Variants in NUBPL observed in about 807,000 individuals in gnomAD.
NUBPL encodes iron-sulfur cluster transfer protein NUBPL.
A neutral mutation model predicts 45.7 loss-of-function variants in NUBPL; 31 were observed. The ratio of observed to expected loss-of-function variants is 0.68; its 90% CI spans 0.51 to 0.92. The LOEUF (loss-of-function observed/expected upper bound fraction) is 0.92, where lower values mean the gene tolerates loss of function less well. Among genes scored for constraint, NUBPL ranks in the 40% least tolerant of loss-of-function variants. NUBPL has a pLI of 0.00. For missense variants in NUBPL, 401 were observed against 398.7 expected, an observed-to-expected ratio of 1.01 and a Z score of -0.05; for synonymous variants, 144 against 140.9, an observed-to-expected ratio of 1.02 and a Z score of -0.15.
At chr14:31,810,456 T>C (rs1287286128) in intron 7 of NUBPL, among the ~76,000 whole-genome samples, 1 of 152,214 alleles carries the variant, frequency 6.6e-6, no homozygotes, top group Non-Finnish European at 1.5e-5. Context: ...TGTTTTTTGT[T>C]TTCCATTTGC....
At position 31,561,461 on chromosome 14, in the gene NUBPL, C is replaced by A. The variant is rs1278353050; in HGVS notation, c.22C>A (p.Leu8Met). 4.2e-6 allele frequency: 6 copies of A among 1,420,242 alleles called. No individual in the cohort carries two copies. Among genetic ancestry groups the A allele is most frequent in the Non-Finnish European group, 5.6e-6 (6 of 1,077,542 alleles). 88.0% of individuals were successfully genotyped at this position (1,420,242 alleles called of 1,614,324 possible). ...CGTCATGGGGATTTGGCAGCGTCTG[C>A]TGCTTTTTGGTGGGGTGTCGCTCCG... MGIWQRL[L>M]LFGGVSLRAG... Residue 8 changes from leucine to methionine, a missense_variant, in exon 1 of 11, where the codon CTG becomes ATG. By Grantham distance (15) the Leu-to-Met change is conservative. Coordinates refer to ENST00000281081, the MANE Select transcript of NUBPL (RefSeq NM_025152.3).
chr14:31,783,078 A>G (rs1483441389), intron 6 of NUBPL, among the ~76,000 whole-genome samples: 1 of 152,178 alleles, frequency 6.6e-6, no homozygotes, highest in Non-Finnish European at 1.5e-5. Context: ...ACATTGAGAA[A>G]GGTTTATTGT....
In NUBPL at chr14:31,580,182, CT is replaced by C. The variant is rs576819844; in HGVS notation, c.291+15135del. On this transcript the variant is annotated intron_variant, in intron 3 of 10. Coordinates refer to ENST00000281081, the MANE Select transcript of NUBPL (RefSeq NM_025152.3). ...CTGAGTACTTTACATGTGCTGTGTG[CT>C]CTTTTTAGTCCTAGAGATGTAGTGG... 1.4e-4 allele frequency among the ~76,000 whole-genome samples: 22 copies of C among 152,262 alleles called. No individual in the cohort carries two copies. The South Asian group carries it at 4.6e-3, about 32-fold the overall frequency.
chr14:31,742,219 C>A (rs1420852663), intron 6 of NUBPL, among the ~76,000 whole-genome samples: 1 of 146,132 alleles, frequency 6.8e-6, no homozygotes, highest in Admixed American at 7.0e-5. Flanking sequence ...CACTATGAAA[C>A]CAATTTTAAC....
intron 7 of NUBPL, among the ~76,000 whole-genome samples, chr14:31,818,371 A>G (rs1448187379): frequency 6.6e-6 from 1 of 152,186 alleles, no homozygotes; most frequent in Admixed American, 6.5e-5. Flanking sequence ...TTAGCACCAC[A>G]TCGCACTTAC....
Position 31,592,270 on chromosome 14 carries a change from A to G in NUBPL, c.292-7019A>G, listed in dbSNP as rs150403552. ...CTGGAGGAAGAAGTGGAATGGAGTAATAGGTGATGAAAATTACTAGGTTTG... is the reference window on the plus strand; with the variant it reads ...CTGGAGGAAGAAGTGGAATGGAGTAGTAGGTGATGAAAATTACTAGGTTTG... On this transcript the variant is annotated intron_variant, in intron 3 of 10. Coordinates refer to ENST00000281081, the MANE Select transcript of NUBPL (RefSeq NM_025152.3). Among the ~76,000 whole-genome samples the G allele has an allele frequency of 5.9e-3, 901 of 152,310 alleles. 9 individuals carry two copies. The highest frequency in any genetic ancestry group is 0.021 in the African/African-American group (860 of 41,566).
intron 6 of NUBPL, among the ~76,000 whole-genome samples, chr14:31,781,294 A>T (rs1401945728): frequency 6.6e-6 from 1 of 152,228 alleles, no homozygotes; most frequent in African/African-American, 2.4e-5. Flanking sequence ...TTTGTTTCCT[A>T]GGCCAGTTAC....
intron 6 of NUBPL, among the ~76,000 whole-genome samples, chr14:31,745,185 A>G (rs1181867475): frequency 6.6e-6 from 1 of 151,946 alleles, no homozygotes; most frequent in Non-Finnish European, 1.5e-5. Flanking sequence ...ATGTCTCCTA[A>G]TGCTATCCCT....
chr14:31,804,395 G>A (rs1458484832), intron 7 of NUBPL, among the ~76,000 whole-genome samples: 1 of 152,098 alleles, frequency 6.6e-6, no homozygotes, highest in Non-Finnish European at 1.5e-5. Context: ...ATGAAAAGGA[G>A]CAGGATTTTA....
At chr14:31,585,389 A>G (rs1272735027) in intron 3 of NUBPL, among the ~76,000 whole-genome samples, 2 of 152,168 alleles carry the variant, frequency 1.3e-5, no homozygotes, top group Admixed American at 6.5e-5. Context: ...ATTTCTTTTT[A>G]TTGCTGAATA....
At chr14:31,643,991 T>A (rs1026080282) in intron 4 of NUBPL, among the ~76,000 whole-genome samples, 2 of 152,020 alleles carry the variant, frequency 1.3e-5, no homozygotes, top group African/African-American at 4.8e-5. Context: ...TTGTTATATC[T>A]CCTTTATAGT....
chr14:31,750,537 T>C (rs1004938663), intron 6 of NUBPL, among the ~76,000 whole-genome samples: 1 of 152,060 alleles, frequency 6.6e-6, no homozygotes, highest in African/African-American at 2.4e-5. Flanking sequence ...ATTTTGTAGA[T>C]TTCCTTTTCT....
chr14:31,835,223 A>G (rs2040263015), intron 8 of NUBPL, among the ~76,000 whole-genome samples: 1 of 152,156 alleles, frequency 6.6e-6, no homozygotes, highest in Admixed American at 6.5e-5. Flanking sequence ...CTGCCCTGTA[A>G]CTGTGCTCTT....
At chr14:31,740,511 G>A (rs917243227) in intron 6 of NUBPL, among the ~76,000 whole-genome samples, 1 of 152,026 alleles carries the variant, frequency 6.6e-6, no homozygotes, top group African/African-American at 2.4e-5. Context: ...TTGTTTTCTT[G>A]TTGTTGAGTT....
Position 31,702,803 on chromosome 14 carries a change from G to A in NUBPL, c.513+29229G>A, listed in dbSNP as rs746440646. ...TAAGTGCCCAAATATTAGCCTCTCTGGTCATTAAAAAGAAAAAATTTTCAT... is the reference window on the plus strand; with the variant it reads ...TAAGTGCCCAAATATTAGCCTCTCTAGTCATTAAAAAGAAAAAATTTTCAT... On this transcript the variant is annotated intron_variant, in intron 6 of 10. Coordinates refer to ENST00000281081, the MANE Select transcript of NUBPL (RefSeq NM_025152.3). Among the ~76,000 whole-genome samples, 32 of 152,046 alleles carry A rather than the reference G, an allele frequency of 2.1e-4. 1 individual carries two copies. The highest frequency in any genetic ancestry group is 4.0e-4 in the Non-Finnish European group (27 of 68,028).
intron 6 of NUBPL, among the ~76,000 whole-genome samples, chr14:31,719,757 C>T (rs190108665): frequency 9.3e-4 from 141 of 152,208 alleles, no homozygotes; most frequent in African/African-American, 3.3e-3. Flanking sequence ...CCCATTACCC[C>T]ATGATCAAAG....
chr14:31,831,060 T>A (rs28412697), intron 8 of NUBPL, among the ~76,000 whole-genome samples: 6,262 of 150,878 alleles, frequency 0.042, 207 homozygotes, highest in African/African-American at 0.093. Context: ...TTATTTATTT[T>A]TTTGAGACAG....
intron 4 of NUBPL, among the ~76,000 whole-genome samples, chr14:31,664,142 G>A (rs935788632): frequency 1.1e-4 from 16 of 152,164 alleles, no homozygotes; most frequent in Non-Finnish European, 1.6e-4. Flanking sequence ...TTTGGACTCA[G>A]ACAATGGGGG....
intron 6 of NUBPL, among the ~76,000 whole-genome samples, chr14:31,729,023 G>A (rs1223317408): frequency 6.6e-6 from 1 of 152,190 alleles, no homozygotes; most frequent in African/African-American, 2.4e-5. Context: ...GCTCACGCCT[G>A]TAATCCCAGT....
Sources: allele counts gnomAD v4.1 joint callset (sites outside exome capture counted in the v4.1 genomes callset), GRCh38; gene constraint gnomAD v4.1.1; transcripts MANE v1.5; gene names NCBI Gene and HGNC (gene_info 2026-07-23, HGNC 2026-07-21).